KCNB2: variants seen among roughly 807,000 people sequenced by gnomAD.
The protein encoded by KCNB2 is delayed rectifier potassium channel protein.
In KCNB2, 15 loss-of-function variants were observed where a neutral mutation model predicts 61.5. The observed-to-expected ratio is 0.24, with a 90% CI of 0.16 to 0.38. The LOEUF is 0.38. Ranked by LOEUF, KCNB2 falls within the 10% of genes least tolerant of loss-of-function variation. The pLI is 1.00. For synonymous variants in KCNB2, 457 were observed against 446.0 expected (o/e 1.02, Z -0.31); for missense variants, 828 against 1,125.2 (o/e 0.74, Z 3.78).
At chr8:72,766,042 C>T (rs544755527) in intron 2 of KCNB2, among the ~76,000 whole-genome samples, 1 of 152,222 alleles carries the variant, frequency 6.6e-6, no homozygotes, top group Non-Finnish European at 1.5e-5. Flanking sequence ...ACACCCAACT[C>T]ACCTGGATGC....
At chr8:72,642,231 A>C (rs1335566935) in intron 2 of KCNB2, among the ~76,000 whole-genome samples, 1 of 152,168 alleles carries the variant, frequency 6.6e-6, no homozygotes, top group Non-Finnish European at 1.5e-5. Flanking sequence ...AAAATATAAA[A>C]TATCTCATTA....
chr8:72,662,548 A>G (rs140638435), intron 2 of KCNB2, among the ~76,000 whole-genome samples: 13 of 152,326 alleles, frequency 8.5e-5, no homozygotes, highest in African/African-American at 2.4e-4. Context: ...CAGCAATGTC[A>G]CACTATAACC....
intron 2 of KCNB2, among the ~76,000 whole-genome samples, chr8:72,641,966 G>T (rs1355679565): frequency 6.6e-6 from 1 of 152,148 alleles, no homozygotes; most frequent in East Asian, 1.9e-4. Context: ...TCAGTGAATT[G>T]TCAACTACTT....
At chr8:72,630,933 C>T (rs537053430) in intron 2 of KCNB2, among the ~76,000 whole-genome samples, 47 of 152,256 alleles carry the variant, frequency 3.1e-4, no homozygotes, top group African/African-American at 1.1e-3. Context: ...CCCTTATCTA[C>T]AGGGGATACG....
At chr8:72,645,341 T>C (rs1242020801) in intron 2 of KCNB2, among the ~76,000 whole-genome samples, 1 of 152,156 alleles carries the variant, frequency 6.6e-6, no homozygotes, top group Non-Finnish European at 1.5e-5. Flanking sequence ...TTGGAATCCC[T>C]TGGCATCAGC....
At chr8:72,558,892 TG>T (rs1380563963) in intron 1 of KCNB2, among the ~76,000 whole-genome samples, 48 of 152,246 alleles carry the variant, frequency 3.2e-4, no homozygotes, top group African/African-American at 1.1e-3. Context: ...CAATAATATG[TG>T]ATCCTTGAGT....
chr8:72,782,618 T>G (rs1187755887), intron 2 of KCNB2, among the ~76,000 whole-genome samples: 1 of 152,188 alleles, frequency 6.6e-6, no homozygotes, highest in Non-Finnish European at 1.5e-5. Context: ...CCACTGCTTT[T>G]ATGAGACCCC....
At chr8:72,894,201 G>C (rs567011602) in intron 2 of KCNB2, among the ~76,000 whole-genome samples, 15 of 152,150 alleles carry the variant, frequency 9.9e-5, no homozygotes, top group Non-Finnish European at 1.9e-4. Context: ...GAACATTGCA[G>C]GTGTAGGGAC....
At chr8:72,897,241 AAACT>A (rs1806006844) in intron 2 of KCNB2, among the ~76,000 whole-genome samples, 1 of 151,226 alleles carries the variant, frequency 6.6e-6, no homozygotes. Context: ...AGATAATAGA[AAACT>A]AATAAAATAA....
At position 72,683,958 on chromosome 8, in the gene KCNB2, G is replaced by C. The variant is rs546846917; in HGVS notation, c.579+115645G>C. ...TGAGTTTATACTTTTTCCCTTGAAT[G>C]ATGGGTAGAGATTGAAGGATATTAA... On this transcript the variant is annotated intron_variant, in intron 2 of 2. Coordinates refer to ENST00000523207, the MANE Select transcript of KCNB2 (RefSeq NM_004770.3). Among the ~76,000 whole-genome samples the C allele has an allele frequency of 2.6e-5, 4 of 152,308 alleles. No homozygotes were observed. The East Asian group carries it at 5.8e-4, about 22-fold the overall frequency.
At chr8:72,664,168 C>A (rs1563552830) in intron 2 of KCNB2, among the ~76,000 whole-genome samples, 1 of 152,184 alleles carries the variant, frequency 6.6e-6, no homozygotes, top group African/African-American at 2.4e-5. Flanking sequence ...ACCGGCCTGT[C>A]TTTGTCCAGC....
At chr8:72,739,878 G>T (rs1296041529) in intron 2 of KCNB2, among the ~76,000 whole-genome samples, 1 of 152,068 alleles carries the variant, frequency 6.6e-6, no homozygotes, top group Non-Finnish European at 1.5e-5. Flanking sequence ...TAACTAAACA[G>T]AAGAGAGAAA....
chr8:72,848,564 G>C (rs566129793), intron 2 of KCNB2, among the ~76,000 whole-genome samples: 2 of 152,148 alleles, frequency 1.3e-5, no homozygotes, highest in African/African-American at 4.8e-5. Context: ...TCTCAATTCT[G>C]TTACTTTTCT....
intron 2 of KCNB2, among the ~76,000 whole-genome samples, chr8:72,923,549 A>G (rs1806568920): frequency 6.6e-6 from 1 of 152,146 alleles, no homozygotes; most frequent in Non-Finnish European, 1.5e-5. Context: ...AGGCATGTCC[A>G]ACCCCCACTT....
At chr8:72,900,672 A>G (rs1806073476) in intron 2 of KCNB2, among the ~76,000 whole-genome samples, 1 of 152,192 alleles carries the variant, frequency 6.6e-6, no homozygotes, top group South Asian at 2.1e-4. Flanking sequence ...ATAGCCCATA[A>G]AAAATGGGCA....
At chr8:72,787,805 T>A (rs1247773572) in intron 2 of KCNB2, among the ~76,000 whole-genome samples, 6 of 152,188 alleles carry the variant, frequency 3.9e-5, no homozygotes, top group African/African-American at 1.4e-4. Context: ...ATGACATTTT[T>A]AAATTATGTA....
chr8:72,843,805 C>T (rs1809937945), intron 2 of KCNB2, among the ~76,000 whole-genome samples: 1 of 152,126 alleles, frequency 6.6e-6, no homozygotes, highest in Admixed American at 6.5e-5. Flanking sequence ...ATTCCTCCAT[C>T]CCTTTATTTT....
chr8:72,670,318 T>A (rs1806542882), intron 2 of KCNB2, among the ~76,000 whole-genome samples: 1 of 152,210 alleles, frequency 6.6e-6, no homozygotes, highest in Non-Finnish European at 1.5e-5. Context: ...GGCTAATTAC[T>A]CTCTTTGCTA....
At chr8:72,935,906 T>A in intron 2 of KCNB2, 29 bp from the exon 3 acceptor site, 4 of 1,551,570 alleles carry the variant, frequency 2.6e-6, no homozygotes, top group Non-Finnish European at 3.5e-6. Context: ...CTAAGAGGAT[T>A]TGCTGACTTG....
Sources: allele counts gnomAD v4.1 joint callset (sites outside exome capture counted in the v4.1 genomes callset), GRCh38; gene constraint gnomAD v4.1.1; transcripts MANE v1.5; gene names NCBI Gene and HGNC (gene_info 2026-07-23, HGNC 2026-07-21).